Variants in TRIM71 observed in about 807,000 individuals in gnomAD.
TRIM71 encodes tripartite motif containing 71.
In TRIM71, 9 loss-of-function variants were observed where a neutral mutation model predicts 61.2. That is an observed-to-expected ratio of 0.15 (90% CI 0.09 to 0.26). The LOEUF (loss-of-function observed/expected upper bound fraction) is 0.26, where lower values mean the gene tolerates loss of function less well. Among genes scored for constraint, TRIM71 ranks in the 10% least tolerant of loss-of-function variants. The probability of loss-of-function intolerance (pLI) is 1.00; values close to 1 mark genes in which losing one functional copy is unlikely to be tolerated. For missense variants in TRIM71, 998 were observed against 1,238.7 expected (o/e 0.81, Z 2.92); for synonymous variants, 645 against 553.2 (o/e 1.17, Z -2.33).
chr3:32,868,179 T>C (rs1278024503), intron 1 of TRIM71, among the ~76,000 whole-genome samples: 1 of 152,158 alleles, frequency 6.6e-6, no homozygotes, highest in Admixed American at 6.5e-5. Context: ...GTGTCCATAC[T>C]GACTGCCTCT....
At chr3:32,868,504 T>C (rs182763377) in intron 1 of TRIM71, among the ~76,000 whole-genome samples, 1 of 152,192 alleles carries the variant, frequency 6.6e-6, no homozygotes, top group Admixed American at 6.5e-5. Flanking sequence ...TACATTCATA[T>C]AGCAACATAC....
In TRIM71 at chr3:32,873,996, C is replaced by G; in HGVS notation, c.1020+11C>G. On this transcript the variant is annotated intron_variant, in intron 2 of 3. Coordinates refer to ENST00000383763, the MANE Select transcript of TRIM71 (RefSeq NM_001039111.3). ...CGACAGGCAATCCAGGTGAGCCTTCCCTGCCCTTCTGCAGTTCCCACGTGA... is the reference window on the plus strand; with the variant it reads ...CGACAGGCAATCCAGGTGAGCCTTCGCTGCCCTTCTGCAGTTCCCACGTGA... The G allele has an allele frequency of 1.3e-6, 2 of 1,598,060 alleles. No individual in the cohort carries two copies. The highest frequency in any genetic ancestry group is 1.7e-6 in the Non-Finnish European group (2 of 1,172,778).
intron 2 of TRIM71, among the ~76,000 whole-genome samples, chr3:32,875,331 T>C (rs926753259): frequency 1.4e-4 from 21 of 152,240 alleles, no homozygotes; most frequent in African/African-American, 5.1e-4. Context: ...TTCTCTCACA[T>C]AGGTGATAGT....
chr3:32,879,141 T>C (rs1559549683), intron 2 of TRIM71, among the ~76,000 whole-genome samples: 1 of 152,188 alleles, frequency 6.6e-6, no homozygotes, highest in Non-Finnish European at 1.5e-5. Context: ...AGCTTCCTCA[T>C]CTCTCACCCT....
rs1396327734 is a variant in TRIM71, at chr3:32,891,513, G to A, written c.2309G>A (p.Arg770Gln). Reference sequence around the variant, plus strand: ...GTGGTCACTGACTTCAACAACCACCGGCTCCTGGTTATTCACCCCGACTGC... The same window carrying A: ...GTGGTCACTGACTTCAACAACCACCAGCTCCTGGTTATTCACCCCGACTGC... The part of the protein sequence containing the change: ...HLVVTDFNNH[R>Q]LLVIHPDCQS... Residue 770 changes from arginine to glutamine, a missense_variant, in exon 4 of 4, where the codon CGG becomes CAG. Arg to Gln is a conservative substitution (Grantham distance 43, BLOSUM62 1). Coordinates refer to ENST00000383763, the MANE Select transcript of TRIM71 (RefSeq NM_001039111.3). This position sits in a 1 kb window ranked among gnomAD's most constrained non-coding sequence, Gnocchi z 8.2. 1 of 1,613,498 alleles carries A rather than the reference G, an allele frequency of 6.2e-7. No homozygotes were observed. Among genetic ancestry groups the A allele is most frequent in the Non-Finnish European group, 8.5e-7 (1 of 1,179,692 alleles).
intron 1 of TRIM71, among the ~76,000 whole-genome samples, chr3:32,861,592 G>C (rs1290072450): frequency 6.6e-6 from 1 of 152,132 alleles, no homozygotes; most frequent in Non-Finnish European, 1.5e-5. Context: ...TTCTTTATAA[G>C]ACTAAGCATC....
intron 1 of TRIM71, among the ~76,000 whole-genome samples, chr3:32,863,985 C>A (rs78084792): frequency 0.017 from 2,580 of 152,222 alleles, 63 homozygotes; most frequent in East Asian, 0.12. Context: ...GCCTGAACTT[C>A]TTGTGTGTAG....
chr3:32,882,043 G>A (rs1386046247), intron 2 of TRIM71, among the ~76,000 whole-genome samples: 1 of 152,172 alleles, frequency 6.6e-6, no homozygotes, highest in African/African-American at 2.4e-5. Context: ...AGACATGAGG[G>A]ATAAGCGATA....
chr3:32,893,529 A>G lies in TRIM71; in HGVS notation c.*1718A>G, dbSNP rs1421530423. On this transcript the variant is annotated 3_prime_UTR_variant, in exon 4 of 4. Transcript: ENST00000383763. ...ACCAAATTCTGGAGGAGCCCTCCTC[A>G]GGGAAAAGAGGGACTCTCAAACAAA... 1 of 152,330 alleles carries G rather than the reference A, an allele frequency of 6.6e-6. No homozygotes were observed. The highest frequency in any genetic ancestry group is 1.5e-5 in the Non-Finnish European group (1 of 68,024). The allele number at this position is 152,330 out of a possible 1,614,324, so 9.4% of individuals were successfully genotyped here.
rs1269760143 is a variant in TRIM71, at chr3:32,862,478, A to G, written c.853-11340A>G. ...TAGGAACTGAAAGGGTTTCAGGTGT[A>G]CACTGTTGCCCGCTGTTTAAGAGGC... On this transcript the variant is annotated intron_variant, in intron 1 of 3. Transcript: ENST00000383763. Among the ~76,000 whole-genome samples the G allele has an allele frequency of 3.3e-5, 5 of 152,342 alleles. No individual in the cohort carries two copies. The East Asian group carries it at 9.6e-4, about 29-fold the overall frequency.
chr3:32,857,496 A>C (rs148541502), intron 1 of TRIM71, among the ~76,000 whole-genome samples: 1 of 152,284 alleles, frequency 6.6e-6, no homozygotes, highest in East Asian at 1.9e-4. Flanking sequence ...AGGGGCGCTG[A>C]CGCCCTGTAC....
chr3:32,839,705 G>A (rs957726032), intron 1 of TRIM71, among the ~76,000 whole-genome samples: 22 of 151,476 alleles, frequency 1.5e-4, no homozygotes, highest in Non-Finnish European at 2.2e-4. Context: ...TTTATCACTC[G>A]GCACTAGCAG....
At chr3:32,863,717 T>A (rs980324644) in intron 1 of TRIM71, among the ~76,000 whole-genome samples, 1 of 152,202 alleles carries the variant, frequency 6.6e-6, no homozygotes, top group Non-Finnish European at 1.5e-5. Context: ...GAGTCTCCTC[T>A]GTCACCCAGG....
chr3:32,845,794 C>T (rs565347823), intron 1 of TRIM71, among the ~76,000 whole-genome samples: 1 of 151,956 alleles, frequency 6.6e-6, no homozygotes, highest in East Asian at 1.9e-4. Flanking sequence ...TCACTGCAAC[C>T]TCTGCAACCT....
intron 1 of TRIM71, 132 bp from the exon 2 acceptor site, chr3:32,873,686 C>T: frequency 1.3e-6 from 1 of 784,414 alleles, no homozygotes; most frequent in Non-Finnish European, 2.0e-6. Flanking sequence ...TGCTGCCTCT[C>T]CCTTTGGGGT....
chr3:32,827,043 G>A (rs942040823), intron 1 of TRIM71, among the ~76,000 whole-genome samples: 6 of 152,080 alleles, frequency 3.9e-5, no homozygotes, highest in Admixed American at 3.3e-4. Flanking sequence ...GTATTAACAG[G>A]CATGAGCCAC....
chr3:32,877,982 T>C (rs1696868595), intron 2 of TRIM71, among the ~76,000 whole-genome samples: 1 of 152,224 alleles, frequency 6.6e-6, no homozygotes, highest in Admixed American at 6.5e-5. Context: ...CCAAAGTGAG[T>C]ACCACACATG....
At chr3:32,873,030 G>C (rs1696812067) in intron 1 of TRIM71, among the ~76,000 whole-genome samples, 1 of 150,688 alleles carries the variant, frequency 6.6e-6, no homozygotes, top group Non-Finnish European at 1.5e-5. Context: ...TTGTTTATTA[G>C]CAGGTAAAGG....
intron 1 of TRIM71, among the ~76,000 whole-genome samples, chr3:32,825,807 G>GC (rs1442030853): frequency 6.6e-6 from 1 of 152,130 alleles, no homozygotes; most frequent in Non-Finnish European, 1.5e-5. Flanking sequence ...ATTGTGGCTT[G>GC]CAAGAGTAAG....
Sources: gnomAD v4.1 joint callset for allele counts (sites outside exome capture counted in the v4.1 genomes callset) on GRCh38, gnomAD v4.1.1 for gene constraint, Gnocchi (gnomAD v3.1) non-coding constraint, MANE v1.5 for transcripts, NCBI Gene and HGNC (gene_info 2026-07-23, HGNC 2026-07-21) for gene names.